ODR4: variants seen among roughly 807,000 people sequenced by gnomAD.
ODR4 encodes odr-4 GPCR localization factor homolog, also known as protein odr-4 homolog.
Under a neutral mutation model 60.2 loss-of-function variants are expected in ODR4, and 47 were observed. The ratio of observed to expected loss-of-function variants is 0.78; its 90% CI spans 0.62 to 1.00. The LOEUF is 1.00. Ranked by LOEUF, ODR4 falls within the 50% of genes least tolerant of loss-of-function variation. The pLI, the probability that ODR4 is intolerant of heterozygous loss-of-function variation, is 0.00. For missense variants in ODR4, 488 were observed against 530.8 expected, an observed-to-expected ratio of 0.92 and a Z score of 0.79; for synonymous variants, 178 against 175.5, an observed-to-expected ratio of 1.01 and a Z score of -0.11.
intron 9 of ODR4, among the ~76,000 whole-genome samples, chr1:186,396,342 CT>C (rs759445817): frequency 5.7e-4 from 87 of 152,154 alleles, no homozygotes; most frequent in South Asian, 1.2e-3. Context: ...AGCATGGTAG[CT>C]CATGCCTGTA....
rs1265436158 is a variant in ODR4 at position 186,404,255 on chromosome 1, G to GA, written c.1001-1827dup. 5.3e-5 allele frequency among the ~76,000 whole-genome samples: 8 copies of GA among 152,246 alleles called. No individual in the cohort carries two copies. In the South Asian group the frequency reaches 1.2e-3, roughly 24 times the overall value. On this transcript the variant is annotated intron_variant, in intron 11 of 13. Transcript: ENST00000287859. ...TTTTTGAGATGTGTCTTTTCCAAAA[G>GA]ATTTCTCCTCCCATTTAAACCTCAG...
downstream of ODR4, among the ~76,000 whole-genome samples, chr1:186,422,857 A>C (rs1165440632): frequency 6.6e-6 from 1 of 152,200 alleles, no homozygotes; most frequent in Non-Finnish European, 1.5e-5. Flanking sequence ...TGAATTAGAA[A>C]CTGATAAAGA....
intron 12 of ODR4, among the ~76,000 whole-genome samples, chr1:186,412,525 C>A (rs1661414557): frequency 6.6e-6 from 1 of 152,038 alleles, no homozygotes; most frequent in Non-Finnish European, 1.5e-5. Flanking sequence ...TATAGTAATT[C>A]TGCATATTTA....
chr1:186,388,916 A>G (rs1660353060), intron 5 of ODR4, among the ~76,000 whole-genome samples: 1 of 152,212 alleles, frequency 6.6e-6, no homozygotes, highest in Admixed American at 6.5e-5. Context: ...GTTTCTATAG[A>G]TAAGGATGTA....
rs772111453 is a variant in ODR4, at chr1:186,390,797, T to G, written c.561T>G (p.Ile187Met). The stretch of plus-strand genomic sequence containing the variant: ...TAGAGTGTACAGTTCACATTAATAT[T>G]CACATCCCACTTTCTGCTACTTCTG... ...LSLECTVHIN[I>M]HIPLSATSVS... The change falls in exon 7 of 14, where the codon ATT becomes ATG. Residue 187 changes from isoleucine to methionine, a missense_variant. By Grantham distance (10) the Ile-to-Met change is conservative. Coordinates refer to ENST00000287859, the MANE Select transcript of ODR4 (RefSeq NM_017847.6). The G allele has an allele frequency of 2.5e-6, 4 of 1,612,900 alleles. No individual in the cohort carries two copies. The Admixed American group carries it at 5.0e-5, about 20-fold the overall frequency.
intron 12 of ODR4, among the ~76,000 whole-genome samples, chr1:186,410,068 T>C (rs566007528): frequency 3.9e-5 from 6 of 152,342 alleles, no homozygotes; most frequent in South Asian, 4.1e-4. Flanking sequence ...GTAGAGTATT[T>C]ATCTGTACCT....
chr1:186,399,272 A>G (rs1215520840), intron 11 of ODR4: 4 of 520,742 alleles, frequency 7.7e-6, no homozygotes, highest in East Asian at 4.3e-5. Context: ...TGGCACAGTC[A>G]TGGCTCACCT....
chr1:186,409,387 A>G lies in ODR4; in HGVS notation c.1186+3119A>G, dbSNP rs112233371. 7.0e-4 allele frequency among the ~76,000 whole-genome samples: 106 copies of G among 152,338 alleles called. 2 individuals carry two copies. Among genetic ancestry groups the G allele is most frequent in the African/African-American group, 2.4e-3 (99 of 41,582 alleles). On this transcript the variant is annotated intron_variant, in intron 12 of 13. Transcript: ENST00000287859. ...AAAAGGGCCTTTGCCTCTCTTGCTTACTGTTGTGTTTCTAGCACTTTACTA... is the reference window on the plus strand; with the variant it reads ...AAAAGGGCCTTTGCCTCTCTTGCTTGCTGTTGTGTTTCTAGCACTTTACTA...
intron 12 of ODR4, among the ~76,000 whole-genome samples, chr1:186,410,066 T>G (rs1661315180): frequency 6.6e-6 from 1 of 152,234 alleles, no homozygotes; most frequent in Non-Finnish European, 1.5e-5. Flanking sequence ...AAGTAGAGTA[T>G]TTATCTGTAC....
intron 11 of ODR4, among the ~76,000 whole-genome samples, chr1:186,403,577 A>G (rs1329659395): frequency 6.6e-6 from 1 of 152,132 alleles, no homozygotes; most frequent in Admixed American, 6.5e-5. Flanking sequence ...TGTTAAGGAC[A>G]TAATAACTTT....
At chr1:186,417,690 A>G (rs972559360) in intron 13 of ODR4, 36 bp downstream of exon 13, 1 of 1,088,080 alleles carries the variant, frequency 9.2e-7, no homozygotes, top group Non-Finnish European at 1.4e-6. Flanking sequence ...CACTGAAAAC[A>G]TATTTAGATT....
At chr1:186,378,382 G>C (rs1315973516) in intron 1 of ODR4, among the ~76,000 whole-genome samples, 1 of 152,042 alleles carries the variant, frequency 6.6e-6, no homozygotes, top group Admixed American at 6.5e-5. Context: ...TAGCTCTTTT[G>C]GATATCATCT....
At chr1:186,423,580 G>A (rs1377837846), downstream of ODR4, among the ~76,000 whole-genome samples, 3 of 147,636 alleles carry the variant, frequency 2.0e-5, no homozygotes, top group Non-Finnish European at 1.5e-5. Flanking sequence ...TCAACCTCCC[G>A]AGTAGCTGGG....
intron 11 of ODR4, among the ~76,000 whole-genome samples, chr1:186,402,216 T>TTCTTTCTTTCTTTC (rs1660998847): frequency 6.7e-6 from 1 of 149,154 alleles, no homozygotes; most frequent in Non-Finnish European, 1.5e-5. Flanking sequence ...CTTTCTTTCT[T>TTCTTTCTTTCTTTC]TCTTTCTTTC....
the ODR4 span, among the ~76,000 whole-genome samples, chr1:186,431,097 C>T: frequency 1.3e-5 from 2 of 152,108 alleles, no homozygotes; most frequent in East Asian, 1.9e-4. Flanking sequence ...AGAGAAGGAA[C>T]ACCTCTTCTA....
downstream of ODR4, among the ~76,000 whole-genome samples, chr1:186,425,604 A>G (rs987566407): frequency 9.2e-5 from 14 of 152,296 alleles, no homozygotes; most frequent in Admixed American, 9.2e-4. Flanking sequence ...ATGTTGAGGA[A>G]CAGCACCCTT....
At chr1:186,399,839 C>A (rs2102057624) in intron 11 of ODR4, among the ~76,000 whole-genome samples, 2 of 152,144 alleles carry the variant, frequency 1.3e-5, no homozygotes, top group Middle Eastern at 6.8e-3. Context: ...CAGTATCTTA[C>A]CCATTAATAA....
chr1:186,394,695 G>C (rs1660604806), intron 9 of ODR4, among the ~76,000 whole-genome samples: 1 of 152,172 alleles, frequency 6.6e-6, no homozygotes, highest in Non-Finnish European at 1.5e-5. Flanking sequence ...CTCAGGACTT[G>C]TGTTTTTTTG....
chr1:186,394,098 G>A (rs1660577657), intron 9 of ODR4, 83 bp downstream of exon 9: 2 of 841,598 alleles, frequency 2.4e-6, no homozygotes, highest in South Asian at 3.4e-5. Flanking sequence ...TCTCATTAGA[G>A]AATAAAAGGA....
Sources: allele counts gnomAD v4.1 joint callset (sites outside exome capture counted in the v4.1 genomes callset), GRCh38; gene constraint gnomAD v4.1.1; transcripts MANE v1.5; gene names NCBI Gene and HGNC (gene_info 2026-07-23, HGNC 2026-07-21).